Variants in HS3ST4 observed in about 807,000 individuals in gnomAD.
HS3ST4 encodes the protein heparan sulfate glucosamine 3-O-sulfotransferase 4.
A neutral mutation model predicts 29.2 loss-of-function variants in HS3ST4; 17 were observed. The ratio of observed to expected loss-of-function variants is 0.58; its 90% CI spans 0.40 to 0.87. The LOEUF (loss-of-function observed/expected upper bound fraction) is 0.87, where lower values mean the gene tolerates loss of function less well. HS3ST4 is among the 40% of genes least tolerant of loss of function. The pLI is 0.00. For missense variants in HS3ST4, 627 were observed against 634.5 expected, an observed-to-expected ratio of 0.99 and a Z score of 0.13; for synonymous variants, 314 against 285.7, an observed-to-expected ratio of 1.10 and a Z score of -1.00.
intron 1 of HS3ST4, among the ~76,000 whole-genome samples, chr16:25,728,141 A>C (rs1036895191): frequency 1.3e-5 from 2 of 152,096 alleles, no homozygotes; most frequent in Non-Finnish European, 2.9e-5. Flanking sequence ...AGCTGGGATT[A>C]CAGGCACGCG....
At chr16:25,903,771 A>G (rs1010743400) in intron 1 of HS3ST4, among the ~76,000 whole-genome samples, 3 of 152,210 alleles carry the variant, frequency 2.0e-5, no homozygotes, top group East Asian at 1.9e-4. Flanking sequence ...AACTGCTTCC[A>G]TACTCCCCTC....
chr16:25,732,949 C>T (rs752844166), intron 1 of HS3ST4, among the ~76,000 whole-genome samples: 1 of 152,226 alleles, frequency 6.6e-6, no homozygotes, highest in Non-Finnish European at 1.5e-5. Flanking sequence ...AAAATGGCAA[C>T]GTCTGTCTTC....
At chr16:25,775,375 G>A (rs1966846662) in intron 1 of HS3ST4, among the ~76,000 whole-genome samples, 1 of 152,186 alleles carries the variant, frequency 6.6e-6, no homozygotes, top group South Asian at 2.1e-4. Flanking sequence ...CACTGATTCT[G>A]TCATTAAAAG....
intron 1 of HS3ST4, among the ~76,000 whole-genome samples, chr16:25,812,135 A>T (rs187288095): frequency 1.7e-3 from 256 of 152,358 alleles, no homozygotes; most frequent in Non-Finnish European, 3.1e-3. Flanking sequence ...TTGTCAAAAT[A>T]CAGATTTTGT....
chr16:25,944,272 G>T (rs1277014208), intron 1 of HS3ST4, among the ~76,000 whole-genome samples: 2 of 152,230 alleles, frequency 1.3e-5, no homozygotes, highest in African/African-American at 2.4e-5. Context: ...AGCAAGAGGG[G>T]ACCTCAAAGT....
At position 26,068,330 on chromosome 16, in the gene HS3ST4, G is replaced by C. The variant is rs550544146; in HGVS notation, c.735-67282G>C. ...TAGGACACAAAATTATTTTATATTT[G>C]ACTGTGACATGGCATCAATGATGTG... is the stretch of plus-strand genomic sequence containing the variant. On this transcript the variant is annotated intron_variant, in intron 1 of 1. Coordinates refer to ENST00000331351, the MANE Select transcript of HS3ST4 (RefSeq NM_006040.3). Among the ~76,000 whole-genome samples, 111 of 152,234 alleles carry C rather than the reference G, an allele frequency of 7.3e-4. 1 individual carries two copies. Among genetic ancestry groups the C allele is most frequent in the South Asian group, 8.3e-4 (4 of 4,812 alleles).
At chr16:25,845,272 G>GC (rs1351083635) in intron 1 of HS3ST4, among the ~76,000 whole-genome samples, 1 of 152,188 alleles carries the variant, frequency 6.6e-6, no homozygotes, top group African/African-American at 2.4e-5. Context: ...ACTTTGGGAG[G>GC]CTGAGTCTGG....
intron 1 of HS3ST4, among the ~76,000 whole-genome samples, chr16:26,002,785 G>T (rs537486615): frequency 9.4e-5 from 14 of 149,396 alleles, no homozygotes; most frequent in African/African-American, 3.4e-4. Context: ...AGGAAAGAAA[G>T]AAAGAAAAAG....
intron 1 of HS3ST4, among the ~76,000 whole-genome samples, chr16:26,040,661 G>C (rs543998263): frequency 1.2e-4 from 15 of 127,636 alleles, no homozygotes; most frequent in African/African-American, 3.3e-4. Context: ...AACACTTGTG[G>C]GGTGTTCATC....
chr16:25,750,369 A>G (rs1387365436), intron 1 of HS3ST4, among the ~76,000 whole-genome samples: 1 of 152,196 alleles, frequency 6.6e-6, no homozygotes, highest in Non-Finnish European at 1.5e-5. Flanking sequence ...TTCATACTCT[A>G]GTGGTCAAAG....
Position 25,974,364 on chromosome 16 carries a change from G to A in HS3ST4, c.735-161248G>A, listed in dbSNP as rs145925079. Reference sequence around the variant, plus strand: ...CTTAGATAGTATTATGGGACATGGAGGTGCTAAGCCGCTTAGCCATTTTTC... The same window carrying A: ...CTTAGATAGTATTATGGGACATGGAAGTGCTAAGCCGCTTAGCCATTTTTC... On this transcript the variant is annotated intron_variant, in intron 1 of 1. Transcript: ENST00000331351. Among the ~76,000 whole-genome samples, 311 of 152,260 alleles carry A rather than the reference G, an allele frequency of 2.0e-3. 1 individual carries two copies. The highest frequency in any genetic ancestry group is 6.8e-3 in the African/African-American group (282 of 41,562).
intron 1 of HS3ST4, among the ~76,000 whole-genome samples, chr16:25,746,868 A>G (rs895860643): frequency 6.6e-6 from 1 of 151,842 alleles, no homozygotes; most frequent in Admixed American, 6.6e-5. Context: ...GTTTTTATAG[A>G]GAGGGGGTCT....
intron 1 of HS3ST4, among the ~76,000 whole-genome samples, chr16:26,107,367 C>CAA (rs1447596713): frequency 6.6e-6 from 1 of 151,420 alleles, no homozygotes; most frequent in Non-Finnish European, 1.5e-5. Flanking sequence ...CACACACACA[C>CAA]ACATATGCAC....
At chr16:25,849,069 G>A (rs1310700380) in intron 1 of HS3ST4, among the ~76,000 whole-genome samples, 1 of 152,080 alleles carries the variant, frequency 6.6e-6, no homozygotes, top group Non-Finnish European at 1.5e-5. Context: ...ATGGTTTTGT[G>A]GTGGTGTTAC....
intron 1 of HS3ST4, among the ~76,000 whole-genome samples, chr16:25,819,061 G>T (rs1418402343): frequency 1.3e-5 from 2 of 152,092 alleles, no homozygotes; most frequent in African/African-American, 4.8e-5. Context: ...AGTCAGAAGG[G>T]GATTACCCCG....
intron 1 of HS3ST4, among the ~76,000 whole-genome samples, chr16:26,122,285 G>A (rs566779446): frequency 6.6e-6 from 1 of 151,864 alleles, no homozygotes; most frequent in South Asian, 2.1e-4. Flanking sequence ...AATCACAAAT[G>A]CATTTTAAGG....
intron 1 of HS3ST4, among the ~76,000 whole-genome samples, chr16:25,853,550 C>A (rs1458186434): frequency 6.6e-6 from 1 of 152,050 alleles, no homozygotes; most frequent in East Asian, 1.9e-4. Context: ...TCATATATGA[C>A]CTTTAGTATG....
chr16:25,833,843 T>C (rs968172548), intron 1 of HS3ST4, among the ~76,000 whole-genome samples: 6 of 152,226 alleles, frequency 3.9e-5, no homozygotes, highest in Admixed American at 1.3e-4. Context: ...GAAAGAGTTT[T>C]AGTTCTTGCC....
chr16:26,007,110 T>C (rs1296496258), intron 1 of HS3ST4, among the ~76,000 whole-genome samples: 1 of 152,244 alleles, frequency 6.6e-6, no homozygotes, highest in Non-Finnish European at 1.5e-5. Flanking sequence ...ATTTGGGGAT[T>C]CTCTTGAACT....
Sources: allele counts gnomAD v4.1 joint callset (sites outside exome capture counted in the v4.1 genomes callset), GRCh38; gene constraint gnomAD v4.1.1; transcripts MANE v1.5; gene names NCBI Gene and HGNC (gene_info 2026-07-23, HGNC 2026-07-21).